RTL4: variants seen among roughly 807,000 people sequenced by gnomAD.
RTL4 encodes retrotransposon Gag like 4, also known as retrotransposon Gag-like protein 4.
Under a neutral mutation model 5.3 loss-of-function variants are expected in RTL4, and 4 were observed. That is an observed-to-expected ratio of 0.75 (90% CI 0.37 to 1.72). RTL4 has a LOEUF of 1.72. Among genes scored for constraint, RTL4 ranks in the 40% most tolerant of loss-of-function variants. RTL4 has a pLI of 0.04. For synonymous variants in RTL4, 98 were observed against 87.3 expected, an observed-to-expected ratio of 1.12 and a Z score of -0.68; for missense variants, 260 against 227.1, an observed-to-expected ratio of 1.14 and a Z score of -0.93.
chrX:112,281,871 A>G, the RTL4 span, among the ~76,000 whole-genome samples: 1 of 111,906 alleles, frequency 8.9e-6, no homozygotes, highest in Non-Finnish European at 1.9e-5. Context: ...TGAGTTCCTT[A>G]TATATTTTTA....
the RTL4 span, among the ~76,000 whole-genome samples, chrX:112,340,717 G>A: frequency 9.1e-6 from 1 of 109,912 alleles, no homozygotes; most frequent in Non-Finnish European, 1.9e-5. Context: ...GGAAATAAAA[G>A]CATTTTATTT....
At chrX:112,442,105 G>A in the RTL4 span, among the ~76,000 whole-genome samples, 1 of 111,947 alleles carries the variant, frequency 8.9e-6, no homozygotes, top group African/African-American at 3.2e-5. Flanking sequence ...GTGGTTGCCT[G>A]GGGCTGGGTG....
At chrX:112,168,959 CTTTCTTTT>C in the RTL4 span, among the ~76,000 whole-genome samples, 3 of 102,170 alleles carry the variant, frequency 2.9e-5, no homozygotes, top group African/African-American at 1.1e-4. Context: ...TTCTTTCTTT[CTTTCTTTT>C]TCTTTCTTTC....
chrX:112,321,599 A>C, the RTL4 span, among the ~76,000 whole-genome samples: 25 of 106,987 alleles, frequency 2.3e-4, no homozygotes, highest in Non-Finnish European at 3.4e-4. Flanking sequence ...GACAGACAGA[A>C]AGAAAGAAAG....
At chrX:112,423,620 C>T in the RTL4 span, among the ~76,000 whole-genome samples, 35 of 111,170 alleles carry the variant, frequency 3.1e-4, no homozygotes, top group African/African-American at 1.1e-3. Flanking sequence ...CTGTACTCAA[C>T]ATTTTGTGCT....
chrX:112,339,397 G>T, the RTL4 span, among the ~76,000 whole-genome samples: 2 of 112,013 alleles, frequency 1.8e-5, no homozygotes, highest in Non-Finnish European at 3.8e-5. Context: ...TGTTCATAAA[G>T]GCAGAAAGGA....
chrX:112,396,352 T>C, the RTL4 span, among the ~76,000 whole-genome samples: 1 of 111,775 alleles, frequency 8.9e-6, no homozygotes, highest in Non-Finnish European at 1.9e-5. Flanking sequence ...CAAGACTCTC[T>C]TTCCTACCCT....
chrX:112,294,747 T>C, the RTL4 span, among the ~76,000 whole-genome samples: 1 of 112,519 alleles, frequency 8.9e-6, no homozygotes. Flanking sequence ...TCTGGGAATT[T>C]ATAACATGTT....
the RTL4 span, among the ~76,000 whole-genome samples, chrX:112,191,854 T>G: frequency 2.7e-5 from 3 of 111,856 alleles, no homozygotes; most frequent in Non-Finnish European, 3.8e-5. Flanking sequence ...ATCTTAACAG[T>G]ATTAAGTGTT....
the RTL4 span, among the ~76,000 whole-genome samples, chrX:112,144,989 A>G: frequency 4.5e-5 from 5 of 110,985 alleles, no homozygotes; most frequent in Non-Finnish European, 9.5e-5. Flanking sequence ...CTCTGTATCT[A>G]TGGTTCTACA....
At chrX:112,381,760 A>G in the RTL4 span, 8 of 1,201,246 alleles carry the variant, frequency 6.7e-6, no homozygotes, top group Non-Finnish European at 9.0e-6. Flanking sequence ...AAATACAGAC[A>G]TTACAGGAGG....
At chrX:112,169,042 T>TTCTTTCTG in the RTL4 span, among the ~76,000 whole-genome samples, 6 of 32,622 alleles carry the variant, frequency 1.8e-4, no homozygotes, top group African/African-American at 5.3e-4. Flanking sequence ...CTTTCTTTCT[T>TTCTTTCTG]TCTTTCTTTC....
exon 1 of RTL4, chrX:112,454,825 A>G (rs778972892): frequency 2.2e-5 from 26 of 1,208,663 alleles, no homozygotes; most frequent in South Asian, 7.1e-5. Flanking sequence ...GCAGCATCCA[A>G]CCACGGAGAA....
At chrX:112,321,619 C>T in the RTL4 span, among the ~76,000 whole-genome samples, 1 of 109,380 alleles carries the variant, frequency 9.1e-6, no homozygotes, top group Non-Finnish European at 1.9e-5. Context: ...GAAAATAAAA[C>T]TAAATGTTTG....
the RTL4 span, among the ~76,000 whole-genome samples, chrX:112,445,091 A>T: frequency 9.0e-6 from 1 of 111,703 alleles, no homozygotes; most frequent in South Asian, 3.7e-4. Flanking sequence ...TCTGGGGCTC[A>T]GGACAGAAGG....
the RTL4 span, among the ~76,000 whole-genome samples, chrX:112,208,985 T>A: frequency 1.8e-5 from 2 of 112,222 alleles, no homozygotes; most frequent in African/African-American, 6.5e-5. Context: ...TGGGTGGAAG[T>A]CCATGTTACT....
At chrX:112,113,808 C>A in the RTL4 span, among the ~76,000 whole-genome samples, 2 of 111,828 alleles carry the variant, frequency 1.8e-5, no homozygotes, top group African/African-American at 6.5e-5. Flanking sequence ...CAAGCCACAC[C>A]AGTTGATTGG....
At chrX:112,142,218 G>A in the RTL4 span, among the ~76,000 whole-genome samples, 11 of 112,307 alleles carry the variant, frequency 9.8e-5, no homozygotes, top group Non-Finnish European at 2.1e-4. Flanking sequence ...ACTATCACTG[G>A]GCTGCCTCAT....
the RTL4 span, among the ~76,000 whole-genome samples, chrX:112,101,417 C>T: frequency 9.1e-6 from 1 of 110,034 alleles, no homozygotes; most frequent in African/African-American, 3.3e-5. Context: ...GACTTTTTGT[C>T]AAACAAAAAA....
Sources: gnomAD v4.1 joint callset for allele counts (sites outside exome capture counted in the v4.1 genomes callset) on GRCh38, gnomAD v4.1.1 for gene constraint, MANE v1.5 for transcripts, NCBI Gene and HGNC (gene_info 2026-07-23, HGNC 2026-07-21) for gene names.